TRAPPC9: variants seen among roughly 807,000 people sequenced by gnomAD.
TRAPPC9 encodes trafficking protein particle complex subunit 9.
Under a neutral mutation model 124.0 loss-of-function variants are expected in TRAPPC9, and 83 were observed. The observed-to-expected ratio is 0.67, with a 90% CI of 0.56 to 0.80. The LOEUF is 0.80. Ranked by LOEUF, TRAPPC9 falls within the 30% of genes least tolerant of loss-of-function variation. The pLI is 0.00. For missense variants in TRAPPC9, 1,302 were observed against 1,508.3 expected (o/e 0.86, Z 2.27); for synonymous variants, 638 against 617.5 (o/e 1.03, Z -0.49).
intron 11 of TRAPPC9, among the ~76,000 whole-genome samples, chr8:140,294,322 C>T (rs888719634): frequency 2.0e-5 from 3 of 152,070 alleles, no homozygotes; most frequent in African/African-American, 4.8e-5. Flanking sequence ...GCTCCCAGCC[C>T]GCCTGACCCC....
intron 21 of TRAPPC9, among the ~76,000 whole-genome samples, chr8:139,841,666 C>T (rs886600277): frequency 5.3e-5 from 8 of 152,212 alleles, no homozygotes; most frequent in African/African-American, 1.7e-4. Flanking sequence ...GATGCAGGAG[C>T]TCCTGGTGCA....
chr8:140,300,328 C>T, intron 11 of TRAPPC9, 141 bp downstream of exon 11: 1 of 1,059,388 alleles, frequency 9.4e-7, no homozygotes, highest in Admixed American at 1.8e-5. Context: ...CATATACACA[C>T]ATATGCATGC....
chr8:140,034,770 A>G (rs1840767463), intron 17 of TRAPPC9, among the ~76,000 whole-genome samples: 1 of 152,232 alleles, frequency 6.6e-6, no homozygotes, highest in Admixed American at 6.5e-5. Flanking sequence ...ACAGCTCACC[A>G]CTATCGAAAG....
At chr8:139,867,567 T>C (rs1285398087) in intron 21 of TRAPPC9, among the ~76,000 whole-genome samples, 1 of 152,144 alleles carries the variant, frequency 6.6e-6, no homozygotes, top group Non-Finnish European at 1.5e-5. Flanking sequence ...CTTAATCAAA[T>C]GGTGAAATAA....
At chr8:140,185,270 A>G (rs4341146) in intron 17 of TRAPPC9, among the ~76,000 whole-genome samples, 79,643 of 152,098 alleles carry the variant, frequency 0.52, 22,646 homozygotes, top group East Asian at 0.99. Context: ...TGAGTCCAGC[A>G]GGACACACGC....
chr8:140,088,666 ACAAC>A (rs1157805304), intron 17 of TRAPPC9, among the ~76,000 whole-genome samples: 2 of 152,256 alleles, frequency 1.3e-5, no homozygotes, highest in African/African-American at 2.4e-5. Context: ...GTTGAACAAT[ACAAC>A]TACGCTACTT....
At chr8:140,173,555 A>C (rs866530030) in intron 17 of TRAPPC9, among the ~76,000 whole-genome samples, 75 of 137,630 alleles carry the variant, frequency 5.4e-4, no homozygotes, top group Non-Finnish European at 5.0e-4. Flanking sequence ...CTCTGTCTCA[A>C]AAAAAAAAAA....
chr8:140,207,654 G>A (rs997211891), intron 17 of TRAPPC9, among the ~76,000 whole-genome samples: 8 of 152,204 alleles, frequency 5.3e-5, no homozygotes, highest in Admixed American at 2.6e-4. Context: ...CGGACCCTGC[G>A]GATGAACTAC....
In TRAPPC9 at chr8:140,124,702, G is replaced by A. The variant is rs561116850; in HGVS notation, c.2556+96757C>T. Among the ~76,000 whole-genome samples the A allele has an allele frequency of 6.6e-3, 471 of 71,876 alleles. 8 individuals carry two copies. Among genetic ancestry groups the A allele is most frequent in the Middle Eastern group, 7.2e-3 (1 of 138 alleles). 47.2% of individuals were successfully genotyped at this position (71,876 alleles called of 152,430 possible). A position where few individuals can be genotyped will look rare whatever the true frequency, so the allele number is the denominator to read the frequency against. On this transcript the variant is annotated intron_variant, in intron 17 of 22. Transcript: ENST00000438773. ...AAGACCCTCAGAGGGGAAGACCCTCGCGGGGGAGGACCCTCCGAGGGGAGG... is the reference window on the plus strand; with the variant it reads ...AAGACCCTCAGAGGGGAAGACCCTCACGGGGGAGGACCCTCCGAGGGGAGG...
chr8:139,943,717 TA>T (rs1283969420), intron 19 of TRAPPC9, among the ~76,000 whole-genome samples: 4 of 152,164 alleles, frequency 2.6e-5, no homozygotes, highest in Non-Finnish European at 5.9e-5. Flanking sequence ...AAAATTACTT[TA>T]AAAAGTGGAA....
At chr8:140,418,438 A>G (rs939001427) in intron 5 of TRAPPC9, among the ~76,000 whole-genome samples, 2 of 152,208 alleles carry the variant, frequency 1.3e-5, no homozygotes, top group African/African-American at 4.8e-5. Context: ...TATAGACGCA[A>G]GGCCGGGCGC....
chr8:140,051,341 G>A (rs542940249), intron 17 of TRAPPC9, among the ~76,000 whole-genome samples: 160 of 152,332 alleles, frequency 1.1e-3, no homozygotes, highest in Middle Eastern at 3.4e-3. Flanking sequence ...GGGGGTTCCT[G>A]TAAGCCCTGC....
At chr8:140,115,593 TA>T (rs979765263) in intron 17 of TRAPPC9, among the ~76,000 whole-genome samples, 6 of 149,900 alleles carry the variant, frequency 4.0e-5, no homozygotes, top group African/African-American at 9.8e-5. Context: ...TTGGTTGTAT[TA>T]TTTTTTTTTC....
At chr8:140,192,822 G>C (rs575619125) in intron 17 of TRAPPC9, among the ~76,000 whole-genome samples, 2 of 152,174 alleles carry the variant, frequency 1.3e-5, no homozygotes, top group Non-Finnish European at 2.9e-5. Context: ...CTGTGGCCTA[G>C]GCTAGAGTGC....
intron 18 of TRAPPC9, among the ~76,000 whole-genome samples, chr8:140,023,332 G>C (rs1410397083): frequency 6.6e-6 from 1 of 152,232 alleles, no homozygotes; most frequent in Non-Finnish European, 1.5e-5. Context: ...CCTCAGAAAA[G>C]AATACCCTGA....
intron 19 of TRAPPC9, among the ~76,000 whole-genome samples, chr8:139,923,460 C>T (rs565499588): frequency 1.5e-4 from 22 of 151,232 alleles, no homozygotes; most frequent in African/African-American, 4.1e-4. Context: ...GTCCCCACCC[C>T]GAACTCACGT....
chr8:140,159,823 G>A (rs527312527), intron 17 of TRAPPC9, among the ~76,000 whole-genome samples: 44 of 152,248 alleles, frequency 2.9e-4, no homozygotes, highest in African/African-American at 8.9e-4. Context: ...GTTCCACATC[G>A]CCTGCCACCG....
intron 18 of TRAPPC9, among the ~76,000 whole-genome samples, chr8:139,997,522 G>A (rs769554654): frequency 4.2e-4 from 46 of 110,288 alleles, no homozygotes; most frequent in African/African-American, 1.2e-3. Context: ...TCTACACAGG[G>A]GAGACAATGC....
intron 11 of TRAPPC9, among the ~76,000 whole-genome samples, chr8:140,291,522 T>C (rs2065660454): frequency 1.3e-5 from 2 of 152,224 alleles, no homozygotes; most frequent in African/African-American, 2.4e-5. Flanking sequence ...CCAGGTCAAC[T>C]GCAGTTCAGT....
Sources: allele counts gnomAD v4.1 joint callset (sites outside exome capture counted in the v4.1 genomes callset), GRCh38; gene constraint gnomAD v4.1.1; transcripts MANE v1.5; gene names NCBI Gene and HGNC (gene_info 2026-07-23, HGNC 2026-07-21).